SYNE2: variants seen among roughly 807,000 people sequenced by gnomAD.
SYNE2 encodes spectrin repeat containing nuclear envelope protein 2, also known as nesprin-2.
Under a neutral mutation model 856.3 loss-of-function variants are expected in SYNE2, and 431 were observed. The observed-to-expected ratio is 0.50, with a 90% CI of 0.47 to 0.55. The LOEUF (loss-of-function observed/expected upper bound fraction) is 0.55. SYNE2 is among the 20% of genes least tolerant of loss of function. The pLI is 0.00. For missense variants in SYNE2, 8,129 were observed against 8,023.2 expected (o/e 1.01, Z -0.50); for synonymous variants, 2,923 against 2,872.3 (o/e 1.02, Z -0.56).
rs535398874 is a variant in SYNE2 at position 64,139,792 on chromosome 14, T to C, written c.14844-149T>C. ...AGGAGCATCATGGTATAAAACATGA[T>C]ATAATCCTTATTAACGTCATGATAT... On this transcript the variant is annotated intron_variant, in intron 79 of 115. Coordinates refer to ENST00000555002, the MANE Select transcript of SYNE2 (RefSeq NM_182914.3). 62 of 811,760 alleles carry C rather than the reference T, an allele frequency of 7.6e-5. No homozygotes were observed. The African/African-American group carries it at 1.0e-3, about 13-fold the overall frequency. The allele number at this position is 811,760 out of a possible 1,614,324, so 50.3% of individuals were successfully genotyped here.
At chr14:63,798,927 C>T (rs762105221) in intron 1 of SYNE2, among the ~76,000 whole-genome samples, 5 of 152,086 alleles carry the variant, frequency 3.3e-5, no homozygotes, top group South Asian at 2.1e-4. Context: ...AGAGATGACC[C>T]GATATCCTGC....
rs746161310 is a variant in SYNE2 at position 64,221,566 on chromosome 14, GT to G, written c.20062-4del. On this transcript the variant is annotated splice_polypyrimidine_tract_variant and intron_variant, in intron 111 of 115. Coordinates refer to ENST00000555002, the MANE Select transcript of SYNE2 (RefSeq NM_182914.3). ...AGACACGGCCGCGCTCTGATGTGTT[GT>G]TTTTTAAGGACTTCCACCAGTTGAG... 6.2e-7 allele frequency: 1 copy of G among 1,614,186 alleles called. No individual in the cohort carries two copies. The highest frequency in any genetic ancestry group is 1.3e-5 in the African/African-American group (1 of 75,044).
chr14:64,122,335 C>A lies in SYNE2; in HGVS notation c.13330C>A (p.Pro4444Thr). Residue 4444 changes from proline (P) to threonine (T), a missense_variant, in exon 70 of 116, where the codon CCC becomes ACC. By Grantham distance (38) the Pro-to-Thr change is conservative. Transcript: ENST00000555002. ...ENDVPDSILS[P>T]QGQNGDKWQY... The stretch of plus-strand genomic sequence containing the variant: ...TGACGTTCCAGACTCGATCTTGTCA[C>A]CCCAGGGCCAAAATGGAGATAAGTG... The A allele has an allele frequency of 6.2e-7, 1 of 1,614,182 alleles. No homozygotes were observed. The highest frequency in any genetic ancestry group is 8.5e-7 in the Non-Finnish European group (1 of 1,180,024).
chr14:64,152,500 C>T (rs1384091341), intron 84 of SYNE2, 64 bp from the exon 85 acceptor site: 2 of 1,555,754 alleles, frequency 1.3e-6, no homozygotes, highest in African/African-American at 2.7e-5. Context: ...ACTCCTGTCT[C>T]TGACACCTTA....
intron 1 of SYNE2, among the ~76,000 whole-genome samples, chr14:63,860,437 G>T (rs190903515): frequency 2.0e-5 from 3 of 152,324 alleles, no homozygotes; most frequent in Non-Finnish European, 2.9e-5. Context: ...AAGTGTGAAA[G>T]CATCTCTTTC....
rs1456759393 is a variant in SYNE2, at chr14:64,128,437, A to C, written c.13918-15A>C. 2.1e-6 allele frequency: 3 copies of C among 1,416,836 alleles called. No individual in the cohort carries two copies. The South Asian group carries it at 3.4e-5, about 16-fold the overall frequency. The allele number at this position is 1,416,836 out of a possible 1,614,324, so 87.8% of individuals were successfully genotyped here. A position where few individuals can be genotyped will look rare whatever the true frequency, so the allele number is the denominator to read the frequency against. On this transcript the variant is annotated splice_polypyrimidine_tract_variant and intron_variant, in intron 73 of 115. Transcript: ENST00000555002. ...CCTAAATGAGATTGCTCAGTTTCCG[A>C]CATTTATCTTACAGAATGAAATAAA...
chr14:63,996,836 C>G, intron 23 of SYNE2, 111 bp from the exon 24 acceptor site: 2 of 999,406 alleles, frequency 2.0e-6, no homozygotes, highest in Non-Finnish European at 1.5e-6. Context: ...TGTAGATGGC[C>G]TATACAAGAA....
chr14:64,225,795 T>C lies in SYNE2; in HGVS notation c.*269T>C, dbSNP rs923023716. On this transcript the variant is annotated 3_prime_UTR_variant, in exon 116 of 116. Coordinates refer to ENST00000555002, the MANE Select transcript of SYNE2 (RefSeq NM_182914.3). The stretch of plus-strand genomic sequence containing the variant: ...TTTAGGGATCTCTGGAAATGTCAGT[T>C]TCCTGAAGAGCCAAGCACTTTGTGA... 3 of 594,648 alleles carry C rather than the reference T, an allele frequency of 5.0e-6. No homozygotes were observed. Among genetic ancestry groups the C allele is most frequent in the African/African-American group, 1.9e-5 (1 of 53,806 alleles). 36.8% of individuals were successfully genotyped at this position (594,648 alleles called of 1,614,324 possible).
Position 63,909,105 on chromosome 14 carries a change from C to A in SYNE2, c.-44C>A, listed in dbSNP as rs1480510610. 12 of 1,351,620 alleles carry A rather than the reference C, an allele frequency of 8.9e-6. No homozygotes were observed. The highest frequency in any genetic ancestry group is 1.4e-5 in the African/African-American group (1 of 69,754). 83.7% of individuals were successfully genotyped at this position (1,351,620 alleles called of 1,614,324 possible). On this transcript the variant is annotated 5_prime_UTR_variant, in exon 2 of 116. Coordinates refer to ENST00000555002, the MANE Select transcript of SYNE2 (RefSeq NM_182914.3). ...TATCCATTTCACTTTCAGTTCACTT[C>A]TTCAACTGAGATGGACATGATATAA... is the stretch of plus-strand genomic sequence containing the variant.
At chr14:63,764,613 G>A (rs1353267403) in intron 1 of SYNE2, among the ~76,000 whole-genome samples, 2 of 145,084 alleles carry the variant, frequency 1.4e-5, no homozygotes, top group East Asian at 2.0e-4. Context: ...TGTGCAGAAC[G>A]TACAGGTTTG....
chr14:64,152,809 ACTCT>A (rs1318238109), intron 85 of SYNE2, 93 bp downstream of exon 85: 2 of 1,492,122 alleles, frequency 1.3e-6, no homozygotes, highest in East Asian at 2.3e-5. Flanking sequence ...ACTCATGGAG[ACTCT>A]CTATACCAAA....
intron 8 of SYNE2, 55 bp from the exon 9 acceptor site, chr14:63,961,470 G>T (rs2096313397): frequency 7.0e-7 from 1 of 1,432,606 alleles, no homozygotes; most frequent in African/African-American, 1.4e-5. Flanking sequence ...CCATTCTTGA[G>T]TATTCATTAT....
intron 73 of SYNE2, among the ~76,000 whole-genome samples, chr14:64,127,254 C>T (rs2097956178): frequency 6.6e-6 from 1 of 151,266 alleles, no homozygotes; most frequent in Admixed American, 6.6e-5. Context: ...GAGCAAGACT[C>T]CATCTCAAAA....
In SYNE2 at chr14:64,102,031, A is replaced by T; in HGVS notation, c.12481A>T (p.Thr4161Ser). Residue 4161 changes from threonine (T) to serine (S), a missense_variant, in exon 64 of 116, where the codon ACA becomes TCA. By Grantham distance (58) the Thr-to-Ser change is moderately conservative (BLOSUM62 1). Around this residue, in one of 3 missense-constraint regions of SYNE2, gnomAD observed 5,410 missense variants for 5,284.8 expected, o/e 1.02. Transcript: ENST00000555002. ...AGACAGAGCTTCCTCATCCTCTGGAACAATTGTTCAGGTAATGCTGGGCGT... is the reference window on the plus strand; with the variant it reads ...AGACAGAGCTTCCTCATCCTCTGGATCAATTGTTCAGGTAATGCTGGGCGT... ...EEDRASSSSGTIVQEAYGKIS... is the reference protein window; with the variant it reads ...EEDRASSSSGSIVQEAYGKIS... The T allele has an allele frequency of 6.2e-7, 1 of 1,612,868 alleles. No individual in the cohort carries two copies. Among genetic ancestry groups the T allele is most frequent in the South Asian group, 1.1e-5 (1 of 91,064 alleles).
rs1259896653 is a variant in SYNE2 at position 64,021,475 on chromosome 14, T to A, written c.5312T>A (p.Leu1771Gln). Residue 1771 changes from leucine (L) to glutamine (Q), a missense_variant, in exon 36 of 116, where the codon CTG (leucine) becomes CAG (glutamine). This residue lies in a region of SYNE2 where 2,422 missense variants were observed against 2,357.4 expected (regional missense o/e 1.03). Coordinates refer to ENST00000555002, the MANE Select transcript of SYNE2 (RefSeq NM_182914.3). ...IGMTESLLKA[L>Q]SPSDSLEIFT... ...ATGACTGAATCCCTCTTAAAAGCCC[T>A]GTCTCCTTCTGACAGCTTGGAGATC... 6.2e-7 allele frequency: 1 copy of A among 1,614,120 alleles called. No individual in the cohort carries two copies. The highest frequency in any genetic ancestry group is 1.1e-5 in the South Asian group (1 of 91,082).
At chr14:64,158,847 G>C in intron 86 of SYNE2, 52 bp downstream of exon 86, 1 of 1,590,782 alleles carries the variant, frequency 6.3e-7, no homozygotes, top group Middle Eastern at 1.7e-4. Context: ...AATTACAAAT[G>C]GGAGGAAGCA....
At chr14:64,169,298 T>C (rs1347964123) in intron 93 of SYNE2, among the ~76,000 whole-genome samples, 1 of 152,232 alleles carries the variant, frequency 6.6e-6, no homozygotes, top group Non-Finnish European at 1.5e-5. Flanking sequence ...TTCTCTACCA[T>C]CATCCTCATG....
chr14:63,826,439 A>G (rs1365309098), intron 1 of SYNE2, among the ~76,000 whole-genome samples: 1 of 152,150 alleles, frequency 6.6e-6, no homozygotes, highest in Non-Finnish European at 1.5e-5. Flanking sequence ...AGCTGGGACT[A>G]CAGGCATGTG....
At chr14:64,193,888 C>T (rs2098529249) in intron 99 of SYNE2, among the ~76,000 whole-genome samples, 1 of 152,088 alleles carries the variant, frequency 6.6e-6, no homozygotes, top group Non-Finnish European at 1.5e-5. Flanking sequence ...CTTCATTTTA[C>T]GGAGAGGGAA....
Sources: allele counts gnomAD v4.1 joint callset (sites outside exome capture counted in the v4.1 genomes callset), GRCh38; gene constraint gnomAD v4.1.1; regional missense constraint gnomAD v4.1.1; transcripts MANE v1.5; gene names NCBI Gene and HGNC (gene_info 2026-07-23, HGNC 2026-07-21).